The following DEFB110 variants were observed in gnomAD, a reference collection of about 807,000 sequenced individuals.
DEFB110 encodes the protein defensin beta 110, also known as beta-defensin 110.
In DEFB110, 4 loss-of-function variants were observed where a neutral mutation model predicts 2.5. That is an observed-to-expected ratio of 1.60 (90% CI 0.79 to 3.66). DEFB110 has a LOEUF of 3.66. DEFB110 is among the 30% of genes most tolerant of loss of function. DEFB110 has a pLI of 0.01. For synonymous variants in DEFB110, 29 were observed against 21.8 expected, an observed-to-expected ratio of 1.33 and a Z score of -0.92; for missense variants, 94 against 75.4, an observed-to-expected ratio of 1.25 and a Z score of -0.91.
chr6:50,013,139 T>A (rs947984037), intron 1 of DEFB110, among the ~76,000 whole-genome samples: 2 of 151,836 alleles, frequency 1.3e-5, no homozygotes, highest in Admixed American at 1.3e-4. Flanking sequence ...ATTTCATACA[T>A]AAAGATAGTT....
At chr6:50,020,373 AT>A (rs1215977730) in intron 1 of DEFB110, among the ~76,000 whole-genome samples, 1 of 151,550 alleles carries the variant, frequency 6.6e-6, no homozygotes, top group African/African-American at 2.4e-5. Flanking sequence ...CCAAGTCAAA[AT>A]TTTTTTATTT....
At chr6:50,018,792 G>A (rs1258099532), downstream of DEFB110, 34 of 1,270,806 alleles carry the variant, frequency 2.7e-5, no homozygotes, top group Non-Finnish European at 3.3e-5. Context: ...CAAATCAGGA[G>A]AAAAGTGTAA....
downstream of DEFB110, among the ~76,000 whole-genome samples, chr6:50,017,255 A>G (rs1043503773): frequency 1.3e-5 from 2 of 151,890 alleles, no homozygotes; most frequent in African/African-American, 4.8e-5. Flanking sequence ...TGTAATATAT[A>G]AAAAATTTAA....
chr6:50,012,749 T>C (rs1019754701), intron 1 of DEFB110, among the ~76,000 whole-genome samples: 4 of 151,950 alleles, frequency 2.6e-5, no homozygotes, highest in African/African-American at 9.7e-5. Flanking sequence ...ATGCTCTTTT[T>C]GTGATTCATA....
intron 1 of DEFB110, among the ~76,000 whole-genome samples, chr6:50,010,757 A>T (rs1260726595): frequency 4.0e-5 from 6 of 151,756 alleles, no homozygotes; most frequent in African/African-American, 1.2e-4. Flanking sequence ...ACAATGATGC[A>T]TAATTGCATA....
intron 1 of DEFB110, among the ~76,000 whole-genome samples, chr6:50,011,326 A>T (rs553098221): frequency 2.6e-5 from 4 of 152,126 alleles, no homozygotes; most frequent in African/African-American, 9.6e-5. Flanking sequence ...TGGAGGAAAG[A>T]TGCATAGTAT....
At chr6:50,011,084 G>C (rs561362375) in intron 1 of DEFB110, among the ~76,000 whole-genome samples, 1 of 151,566 alleles carries the variant, frequency 6.6e-6, no homozygotes, top group East Asian at 1.9e-4. Context: ...GCTCACTATA[G>C]AATCAAAGGT....
intron 1 of DEFB110, among the ~76,000 whole-genome samples, chr6:50,011,978 G>C (rs1042414348): frequency 7.9e-5 from 12 of 151,986 alleles, no homozygotes; most frequent in Non-Finnish European, 1.6e-4. Flanking sequence ...AAATGATTTA[G>C]ATCACTGGAT....
At chr6:50,019,224 A>T in intron 1 of DEFB110, 99 bp from the exon 2 acceptor site, 1 of 1,250,906 alleles carries the variant, frequency 8.0e-7, no homozygotes, top group Non-Finnish European at 1.1e-6. Context: ...ATAGAGTGAA[A>T]ATGTCCACCT....
downstream of DEFB110, among the ~76,000 whole-genome samples, chr6:50,015,403 A>G (rs189101588): frequency 6.8e-4 from 103 of 151,878 alleles, no homozygotes; most frequent in African/African-American, 2.4e-3. Context: ...TCCCTGGGTA[A>G]TCAATTTGTC....
downstream of DEFB110, chr6:50,018,708 G>T: frequency 1.3e-6 from 1 of 764,480 alleles, no homozygotes; most frequent in South Asian, 5.3e-5. Context: ...TAAAAGTTGT[G>T]GAACTTGTGG....
intron 1 of DEFB110, among the ~76,000 whole-genome samples, chr6:50,019,504 T>C (rs1424752910): frequency 6.6e-6 from 1 of 152,136 alleles, no homozygotes; most frequent in African/African-American, 2.4e-5. Context: ...TGTTGTGCTT[T>C]ATGAATTCTT....
At chr6:50,015,988 T>G (rs959587646), downstream of DEFB110, among the ~76,000 whole-genome samples, 5 of 151,858 alleles carry the variant, frequency 3.3e-5, no homozygotes, top group African/African-American at 1.2e-4. Context: ...TATCAGTTCC[T>G]TAAGCCAGGA....
downstream of DEFB110, among the ~76,000 whole-genome samples, chr6:50,018,266 G>C (rs1163060838): frequency 6.6e-6 from 1 of 151,840 alleles, no homozygotes; most frequent in Non-Finnish European, 1.5e-5. Context: ...GGACTGAATA[G>C]CTGCATTAAA....
chr6:50,010,480 T>G (rs1774209177), intron 1 of DEFB110, among the ~76,000 whole-genome samples: 1 of 151,364 alleles, frequency 6.6e-6, no homozygotes, highest in Non-Finnish European at 1.5e-5. Flanking sequence ...AGAAAATAAT[T>G]AAACGTAAGA....
At position 50,009,230 on chromosome 6, in the gene DEFB110, C is replaced by A. The variant is rs548921974; in HGVS notation, c.97G>T (p.Glu33Ter). 5.0e-6 allele frequency: 8 copies of A among 1,608,094 alleles called. No individual in the cohort carries two copies. Among genetic ancestry groups the A allele is most frequent in the Middle Eastern group, 1.7e-4 (1 of 6,034 alleles). ...GTTTTACATATTCCTCTCACTTTTT[C>A]GCATCTTTCAAATCTATACTTTGGT... Residue 33 changes from glutamate (E) to a stop codon, truncating the protein, a stop_gained, in exon 2 of 2, where the codon GAA becomes TAA. Coordinates refer to the DEFB110 transcript ENST00000393660. LOFTEE classifies it high-confidence loss of function.
chr6:50,018,833 T>C (rs1056959031), downstream of DEFB110: 12 of 1,352,684 alleles, frequency 8.9e-6, no homozygotes, highest in Admixed American at 2.5e-4. Context: ...GCGTGACATA[T>C]GATCACTTCT....
chr6:50,009,867 T>C (rs1249912929), intron 1 of DEFB110, among the ~76,000 whole-genome samples: 2 of 152,120 alleles, frequency 1.3e-5, no homozygotes, highest in Non-Finnish European at 2.9e-5. Flanking sequence ...TAGTATTCTA[T>C]TATAGTTTCT....
downstream of DEFB110, among the ~76,000 whole-genome samples, chr6:50,017,921 C>A (rs2113941410): frequency 6.6e-6 from 1 of 151,754 alleles, no homozygotes; most frequent in South Asian, 2.1e-4. Flanking sequence ...TTTTATTTTT[C>A]TTTAGTTAAT....
Sources: allele counts gnomAD v4.1 joint callset (sites outside exome capture counted in the v4.1 genomes callset), GRCh38; gene constraint gnomAD v4.1.1; transcripts MANE v1.5; gene names NCBI Gene and HGNC (gene_info 2026-07-23, HGNC 2026-07-21).